The following FAM184A variants were observed in gnomAD, a reference collection of about 807,000 sequenced individuals.
FAM184A encodes protein FAM184A.
A neutral mutation model predicts 143.8 loss-of-function variants in FAM184A; 99 were observed. The observed-to-expected ratio is 0.69, with a 90% CI of 0.58 to 0.81. FAM184A has a LOEUF of 0.81. FAM184A is among the 40% of genes least tolerant of loss of function. FAM184A has a pLI of 0.00. For synonymous variants in FAM184A, 427 were observed against 446.4 expected (o/e 0.96, Z 0.55); for missense variants, 1,217 against 1,310.5 (o/e 0.93, Z 1.10).
chr6:119,025,578 A>C, intron 1 of FAM184A: 1 of 518,952 alleles, frequency 1.9e-6, no homozygotes, highest in South Asian at 1.4e-5. Context: ...TTTCACTGAG[A>C]TGTCCCAACC....
Position 119,024,525 on chromosome 6 carries a change from G to C in FAM184A, c.448C>G (p.Arg150Gly). 5 of 1,613,908 alleles carry C rather than the reference G, an allele frequency of 3.1e-6. No homozygotes were observed. Among genetic ancestry groups the C allele is most frequent in the Non-Finnish European group, 4.2e-6 (5 of 1,179,970 alleles). ...QLCAEAQHVQ[R>G]IVTMSREVEE... is the part of the protein sequence containing the mutation. The stretch of plus-strand genomic sequence containing the variant: ...ACTTCTCTAGACATGGTCACTATGC[G>C]TTGGACATGCTGGGCTTCTGCACAA... Residue 150 changes from arginine (R) to glycine (G), a missense_variant, in exon 2 of 18, where the codon CGC becomes GGC. Physicochemically the swap from Arg to Gly is moderately radical, Grantham distance 125. Transcript: ENST00000338891.
chr6:119,089,267 G>C (rs1187279035), intron 1 of FAM184A, among the ~76,000 whole-genome samples: 1 of 150,774 alleles, frequency 6.6e-6, no homozygotes, highest in African/African-American at 2.4e-5. Flanking sequence ...GCAGTGGCTT[G>C]ATCTTGGCTC....
At chr6:118,975,388 G>A (rs920363061) in intron 12 of FAM184A, among the ~76,000 whole-genome samples, 180 bp from the exon 13 acceptor site, 1 of 152,180 alleles carries the variant, frequency 6.6e-6, no homozygotes, top group African/African-American at 2.4e-5. Flanking sequence ...CACATATAGT[G>A]TGTATATGGA....
At chr6:119,048,382 C>A (rs532885961) in intron 1 of FAM184A, among the ~76,000 whole-genome samples, 6 of 152,110 alleles carry the variant, frequency 3.9e-5, no homozygotes, top group Non-Finnish European at 8.8e-5. Flanking sequence ...TTAGCCAGAG[C>A]AATCACACAA....
chr6:118,967,716 T>G (rs1783545023), intron 14 of FAM184A, among the ~76,000 whole-genome samples: 1 of 152,166 alleles, frequency 6.6e-6, no homozygotes, highest in South Asian at 2.1e-4. Context: ...TGGCTTAGTT[T>G]CAGAAAAAGC....
rs199729339 is a variant in FAM184A, at chr6:119,016,777, A to T, written c.1500T>A (p.Asn500Lys). ...HHMAIEAVHS[N>K]AIRDKKKLQM... is the part of the protein sequence containing the mutation. Reference sequence around the variant, plus strand: ...GCAGTTTTTTCTTATCCCTAATTGCATTACTGTGGACAGCTTCAATTGCCA... The same window carrying T: ...GCAGTTTTTTCTTATCCCTAATTGCTTTACTGTGGACAGCTTCAATTGCCA... Residue 500 changes from asparagine to lysine, a missense_variant, in exon 5 of 18, where the codon AAT becomes AAA. Coordinates refer to ENST00000338891, the MANE Select transcript of FAM184A (RefSeq NM_024581.6). 2.5e-4 allele frequency: 402 copies of T among 1,614,148 alleles called. No individual in the cohort carries two copies. Among genetic ancestry groups the T allele is most frequent in the Non-Finnish European group, 3.3e-4 (384 of 1,180,006 alleles).
chr6:119,106,861 A>C (rs1398519109), intron 1 of FAM184A, among the ~76,000 whole-genome samples: 1 of 152,244 alleles, frequency 6.6e-6, no homozygotes, highest in African/African-American at 2.4e-5. Flanking sequence ...CACTGAAAAA[A>C]ATCTGGTAAG....
intron 5 of FAM184A, among the ~76,000 whole-genome samples, chr6:119,014,470 T>C (rs1020207223): frequency 1.3e-5 from 2 of 152,220 alleles, no homozygotes; most frequent in Non-Finnish European, 2.9e-5. Context: ...GCAAGCTGAA[T>C]ACTTAATTGT....
At chr6:118,979,237 C>T (rs1783944453) in intron 11 of FAM184A, 128 bp downstream of exon 11, 1 of 816,774 alleles carries the variant, frequency 1.2e-6, no homozygotes, top group South Asian at 1.9e-5. Context: ...ATAAAATATG[C>T]AGTACACTTA....
intron 1 of FAM184A, among the ~76,000 whole-genome samples, chr6:119,036,051 T>C (rs563086422): frequency 6.6e-6 from 1 of 152,296 alleles, no homozygotes; most frequent in South Asian, 2.1e-4. Context: ...ATATAAAATA[T>C]TGAGTCACTT....
rs1219560381 is a variant in FAM184A at position 118,980,232 on chromosome 6, AATT to A, written c.2204_2206del (p.Glu735_Leu736delinsVal). 1.9e-6 allele frequency: 3 copies of A among 1,614,100 alleles called. No individual in the cohort carries two copies. The East Asian group carries it at 6.7e-5, about 36-fold the overall frequency. Reference sequence around the variant, plus strand: ...GTGTCTTTGCTGATGTTGCTCCTCTAATTCTTCAAGCTCTTGCGTAAGCCGCTG... The same window carrying A: ...GTGTCTTTGCTGATGTTGCTCCTCTACTTCAAGCTCTTGCGTAAGCCGCTG... On this transcript the variant is annotated inframe_deletion, in exon 10 of 18. Transcript: ENST00000338891.
At chr6:119,071,742 G>C (rs2114789388) in intron 1 of FAM184A, among the ~76,000 whole-genome samples, 1 of 151,974 alleles carries the variant, frequency 6.6e-6, no homozygotes, top group African/African-American at 2.4e-5. Context: ...GACCAATCTA[G>C]AGAGCTGAAT....
Position 119,022,973 on chromosome 6 carries a change from C to CTGTT in FAM184A, c.1118_1121dup (p.Gln375ThrfsTer11). ...CTTTGAGGACAAGATCTGAAGCTTG[C>CTGTT]TGTTGTAAACGTTCTCTGGCAGCTG... On this transcript the variant is annotated frameshift_variant, in exon 3 of 18. Coordinates refer to ENST00000338891, the MANE Select transcript of FAM184A (RefSeq NM_024581.6). LOFTEE classifies it high-confidence loss of function. The CTGTT allele has an allele frequency of 7.4e-6, 12 of 1,614,174 alleles. No individual in the cohort carries two copies. Among genetic ancestry groups the CTGTT allele is most frequent in the Non-Finnish European group, 1.0e-5 (12 of 1,180,014 alleles).
Position 118,972,735 on chromosome 6 carries a change from G to A in FAM184A, c.2915+1693C>T, listed in dbSNP as rs375151814. The stretch of plus-strand genomic sequence containing the variant: ...ACTCTTTGTAAATTAACATTCCTAA[G>A]GAGACAGGACACACAGACAGACTGA... On this transcript the variant is annotated intron_variant, in intron 14 of 17. Transcript: ENST00000338891. 1.9e-4 allele frequency among the ~76,000 whole-genome samples: 29 copies of A among 152,280 alleles called. 1 individual carries two copies. Among genetic ancestry groups the A allele is most frequent in the African/African-American group, 6.7e-4 (28 of 41,564 alleles).
At chr6:119,044,359 A>T (rs1786450824) in intron 1 of FAM184A, among the ~76,000 whole-genome samples, 1 of 152,188 alleles carries the variant, frequency 6.6e-6, no homozygotes, top group Admixed American at 6.5e-5. Flanking sequence ...GAGGCACAAG[A>T]ATCACTTGAG....
chr6:119,135,371 G>T (rs1336212522), intron 1 of FAM184A, among the ~76,000 whole-genome samples: 1 of 152,044 alleles, frequency 6.6e-6, no homozygotes, highest in Admixed American at 6.5e-5. Flanking sequence ...CACACAAAAG[G>T]CTCTAAAGAA....
rs148947081 is a variant in FAM184A, at chr6:119,018,690, A to C, written c.1332+1288T>G. On this transcript the variant is annotated intron_variant, in intron 4 of 17. Transcript: ENST00000338891. ...AGGCTGGTGAGCCAACTGAAATCAG[A>C]GATTGCTGCTAGGCAGTTGTGACTA... is the stretch of plus-strand genomic sequence containing the variant. 4.6e-3 allele frequency among the ~76,000 whole-genome samples: 706 copies of C among 152,318 alleles called. 8 individuals are homozygous for C. The highest frequency in any genetic ancestry group is 0.016 in the African/African-American group (682 of 41,560).
chr6:119,042,504 T>C (rs1230772050), intron 1 of FAM184A, among the ~76,000 whole-genome samples: 1 of 152,180 alleles, frequency 6.6e-6, no homozygotes, highest in Non-Finnish European at 1.5e-5. Context: ...GTTGAATTCT[T>C]TCTTTTGAGG....
intron 5 of FAM184A, among the ~76,000 whole-genome samples, chr6:119,015,137 G>C (rs759505131): frequency 1.6e-4 from 24 of 152,054 alleles, no homozygotes; most frequent in Non-Finnish European, 2.8e-4. Context: ...GGTCACACTG[G>C]ACTACTGAGA....
Sources: gnomAD v4.1 joint callset for allele counts (sites outside exome capture counted in the v4.1 genomes callset) on GRCh38, gnomAD v4.1.1 for gene constraint, MANE v1.5 for transcripts, NCBI Gene and HGNC (gene_info 2026-07-23, HGNC 2026-07-21) for gene names.